The following MEI4 variants were observed in gnomAD, a reference collection of about 807,000 sequenced individuals.
MEI4 encodes the protein meiosis-specific protein MEI4.
In MEI4, 27 loss-of-function variants were observed where a neutral mutation model predicts 31.4. The ratio of observed to expected loss-of-function variants is 0.86; its 90% CI spans 0.63 to 1.19. The LOEUF (loss-of-function observed/expected upper bound fraction) is 1.19, where lower values mean the gene tolerates loss of function less well. Among genes scored for constraint, MEI4 ranks in the 50% most tolerant of loss-of-function variants. The pLI is 0.00. For missense variants in MEI4, 329 were observed against 398.9 expected, an observed-to-expected ratio of 0.82 and a Z score of 1.49; for synonymous variants, 122 against 145.4, an observed-to-expected ratio of 0.84 and a Z score of 1.16.
At chr6:77,667,098 G>A (rs1193827997) in intron 1 of MEI4, among the ~76,000 whole-genome samples, 1 of 152,184 alleles carries the variant, frequency 6.6e-6, no homozygotes, top group Admixed American at 6.5e-5. Context: ...TAACTGCATA[G>A]TCTTGAGAAA....
intron 4 of MEI4, among the ~76,000 whole-genome samples, chr6:77,903,821 G>A (rs1345531585): frequency 6.6e-6 from 1 of 152,110 alleles, no homozygotes; most frequent in East Asian, 1.9e-4. Context: ...TTATGATAAT[G>A]TGGTGCATTA....
In MEI4 at chr6:77,730,882, G is replaced by T. The variant is rs565927050; in HGVS notation, c.233-30248G>T. Among the ~76,000 whole-genome samples, 214 of 150,264 alleles carry T rather than the reference G, an allele frequency of 1.4e-3. 4 individuals are homozygous for T. The highest frequency in any genetic ancestry group is 4.6e-3 in the African/African-American group (186 of 40,430). On this transcript the variant is annotated intron_variant, in intron 2 of 4. Coordinates refer to ENST00000684080, the MANE Select transcript of MEI4 (RefSeq NM_001322247.2). ...TATGAGTGAGAATATGCAGTGTTTG[G>T]TTTTTTGTTCTTACGATAGTTTACT...
intron 4 of MEI4, among the ~76,000 whole-genome samples, chr6:77,878,665 C>A (rs1247400173): frequency 3.3e-5 from 5 of 150,926 alleles, no homozygotes; most frequent in Non-Finnish European, 2.9e-5. Flanking sequence ...CTTTTGTTTT[C>A]TTTATTTTTT....
intron 4 of MEI4, among the ~76,000 whole-genome samples, chr6:77,908,948 G>A (rs572314351): frequency 3.1e-4 from 47 of 152,166 alleles, no homozygotes; most frequent in African/African-American, 1.1e-3. Flanking sequence ...AGAACAACGA[G>A]ACAGAAAGTT....
chr6:77,736,580 G>T (rs1201161727), intron 2 of MEI4, among the ~76,000 whole-genome samples: 1 of 152,106 alleles, frequency 6.6e-6, no homozygotes, highest in Non-Finnish European at 1.5e-5. Context: ...TGGAAATGCA[G>T]AAATCATTCG....
intron 4 of MEI4, among the ~76,000 whole-genome samples, chr6:77,833,393 A>C (rs1157209478): frequency 6.6e-6 from 1 of 152,108 alleles, no homozygotes; most frequent in African/African-American, 2.4e-5. Context: ...TTTTTATATG[A>C]ATTTTATTAA....
In MEI4 at chr6:77,761,338, G is replaced by A. The variant is rs141017054; in HGVS notation, c.441G>A (p.Leu147=). 778 of 1,232,492 alleles carry A rather than the reference G, an allele frequency of 6.3e-4. 3 individuals are homozygous for A. In the African/African-American group the frequency reaches 0.011, roughly 18 times the overall value. 76.3% of individuals were successfully genotyped at this position (1,232,492 alleles called of 1,614,324 possible). The change falls in exon 3 of 5, where the codon TTG becomes TTA. Residue 147 remains leucine (L), a synonymous_variant. Coordinates refer to ENST00000684080, the MANE Select transcript of MEI4 (RefSeq NM_001322247.2). ...KRPCAILQNP[L]SSHMQFLQYL... ...CTTGTGCTATCCTGCAAAATCCTTTGTCTTCTCACATGCAATTCTTGCAAT... is the reference window on the plus strand; with the variant it reads ...CTTGTGCTATCCTGCAAAATCCTTTATCTTCTCACATGCAATTCTTGCAAT...
At chr6:77,910,730 G>C (rs113563961) in intron 4 of MEI4, among the ~76,000 whole-genome samples, 125 of 152,182 alleles carry the variant, frequency 8.2e-4, no homozygotes, top group African/African-American at 2.9e-3. Flanking sequence ...AGTGAACATG[G>C]TGATGCAGGT....
At chr6:77,734,506 T>C (rs1767120173) in intron 2 of MEI4, among the ~76,000 whole-genome samples, 1 of 152,000 alleles carries the variant, frequency 6.6e-6, no homozygotes, top group Admixed American at 6.5e-5. Context: ...CTTCCTCCAA[T>C]CTTTTATTTT....
intron 3 of MEI4, among the ~76,000 whole-genome samples, chr6:77,809,840 A>C (rs1372113221): frequency 6.6e-6 from 1 of 151,264 alleles, no homozygotes; most frequent in African/African-American, 2.4e-5. Flanking sequence ...GCTTATATTG[A>C]AAAAAAAATC....
At chr6:77,841,333 A>ATATATATATATATATTTT in intron 4 of MEI4, among the ~76,000 whole-genome samples, 8 of 27,736 alleles carry the variant, frequency 2.9e-4, no homozygotes, top group Non-Finnish European at 3.7e-4. Flanking sequence ...ATATATATAT[A>ATATATATATATATATTTT]TTTTTTTTTT....
chr6:77,700,209 C>A (rs1766182964), intron 2 of MEI4, among the ~76,000 whole-genome samples: 1 of 152,208 alleles, frequency 6.6e-6, no homozygotes, highest in Non-Finnish European at 1.5e-5. Flanking sequence ...CCTACCGGGG[C>A]AGGCAGGCCT....
intron 2 of MEI4, among the ~76,000 whole-genome samples, chr6:77,753,366 T>A (rs1311392232): frequency 6.6e-6 from 1 of 151,976 alleles, no homozygotes; most frequent in Non-Finnish European, 1.5e-5. Context: ...GACAAAGGGC[T>A]AATATCCAGA....
intron 3 of MEI4, among the ~76,000 whole-genome samples, chr6:77,764,626 G>A (rs1305504371): frequency 1.3e-5 from 2 of 152,126 alleles, no homozygotes; most frequent in Non-Finnish European, 2.9e-5. Context: ...GACATATACA[G>A]AACTTTCCAG....
intron 3 of MEI4, among the ~76,000 whole-genome samples, chr6:77,782,539 C>T (rs9448214): frequency 0.022 from 3,421 of 152,086 alleles, 150 homozygotes; most frequent in African/African-American, 0.078. Context: ...AGTATGATTG[C>T]GATATTGGCC....
intron 4 of MEI4, among the ~76,000 whole-genome samples, chr6:77,860,795 G>A (rs901810765): frequency 2.6e-5 from 4 of 151,926 alleles, no homozygotes; most frequent in African/African-American, 4.8e-5. Context: ...ACCATCTATC[G>A]CTTGAATCAC....
intron 3 of MEI4, among the ~76,000 whole-genome samples, chr6:77,799,848 G>A (rs958674427): frequency 5.3e-5 from 8 of 152,158 alleles, no homozygotes; most frequent in East Asian, 1.9e-4. Context: ...GGTTCCATTC[G>A]TCTATATCTC....
At chr6:77,872,707 T>C (rs1771225543) in intron 4 of MEI4, among the ~76,000 whole-genome samples, 1 of 145,286 alleles carries the variant, frequency 6.9e-6, no homozygotes, top group South Asian at 2.3e-4. Context: ...ATTAGGTATA[T>C]CTCCTAATGC....
chr6:77,704,285 C>A (rs2127657570), intron 2 of MEI4, among the ~76,000 whole-genome samples: 1 of 152,268 alleles, frequency 6.6e-6, no homozygotes, highest in Middle Eastern at 3.4e-3. Flanking sequence ...AAATCTGTGT[C>A]CTGGCCCCAT....
Sources: gnomAD v4.1 joint callset for allele counts (sites outside exome capture counted in the v4.1 genomes callset) on GRCh38, gnomAD v4.1.1 for gene constraint, MANE v1.5 for transcripts, NCBI Gene and HGNC (gene_info 2026-07-23, HGNC 2026-07-21) for gene names.